KIF26B: variants seen among roughly 807,000 people sequenced by gnomAD.
KIF26B encodes the protein kinesin family member 26B, also known as kinesin-like protein KIF26B.
KIF26B carries 63 observed loss-of-function variants against 151.2 expected under a neutral mutation model. That is an observed-to-expected ratio of 0.42 (90% CI 0.34 to 0.51). The LOEUF (loss-of-function observed/expected upper bound fraction) is 0.51, where lower values mean the gene tolerates loss of function less well. Ranked by LOEUF, KIF26B falls within the 20% of genes least tolerant of loss-of-function variation. The probability of loss-of-function intolerance (pLI) is 0.07; values close to 1 mark genes in which losing one functional copy is unlikely to be tolerated. For missense variants in KIF26B, 2,813 were observed against 2,913.6 expected (o/e 0.97, Z 0.79); for synonymous variants, 1,357 against 1,262.1 (o/e 1.08, Z -1.59).
chr1:245,676,598 T>G (rs2044359616), intron 10 of KIF26B: 1 of 152,242 alleles, frequency 6.6e-6, no homozygotes, highest in African/African-American at 2.4e-5. Context: ...TTTATCTTAT[T>G]CAGATAAATA....
Position 245,688,063 on chromosome 1 carries a change from C to T in KIF26B, c.5080C>T (p.Arg1694Trp), listed in dbSNP as rs1356574864. 3 of 1,552,590 alleles carry T rather than the reference C, an allele frequency of 1.9e-6. No individual in the cohort carries two copies. Among genetic ancestry groups the T allele is most frequent in the Non-Finnish European group, 8.7e-7 (1 of 1,148,742 alleles). ...CGAGAGCCTGTCCTCCGTGAGCTCC[C>T]GGCTGCACGCGGGCAAGGACGGCAC... ...RAESLSSVSS[R>W]LHAGKDGTMP... The change falls in exon 12 of 15, where the codon CGG becomes TGG. Residue 1694 changes from arginine (R) to tryptophan (W), a missense_variant. Physicochemically the swap from Arg to Trp is moderately radical, Grantham distance 101. Around this residue, in one of 3 missense-constraint regions of KIF26B, gnomAD observed 2,060 missense variants for 2,088.6 expected, o/e 0.99. Coordinates refer to ENST00000407071, the MANE Select transcript of KIF26B (RefSeq NM_018012.4).
At chr1:245,539,006 G>GA (rs908119582) in intron 4 of KIF26B, among the ~76,000 whole-genome samples, 9 of 150,736 alleles carry the variant, frequency 6.0e-5, no homozygotes, top group East Asian at 1.9e-4. Context: ...GCAATGAGAT[G>GA]AAAAAAAAAG....
At chr1:245,159,405 A>G (rs1227090268) in intron 2 of KIF26B, among the ~76,000 whole-genome samples, 2 of 152,122 alleles carry the variant, frequency 1.3e-5, no homozygotes, top group Non-Finnish European at 2.9e-5. Context: ...CATTGGGTAA[A>G]TTAGTTTTCC....
chr1:245,574,688 A>G (rs1414597675), intron 5 of KIF26B, among the ~76,000 whole-genome samples: 2 of 152,078 alleles, frequency 1.3e-5, no homozygotes, highest in African/African-American at 4.8e-5. Context: ...AAGGCCAGGC[A>G]AGGCACTGCC....
intron 10 of KIF26B, among the ~76,000 whole-genome samples, chr1:245,679,875 G>A (rs1278576751): frequency 2.0e-5 from 3 of 152,040 alleles, no homozygotes; most frequent in East Asian, 1.9e-4. Context: ...TCAGGCCCCC[G>A]TCAGCTCTGC....
intron 2 of KIF26B, among the ~76,000 whole-genome samples, chr1:245,174,418 A>G (rs1011983843): frequency 9.2e-5 from 14 of 152,284 alleles, no homozygotes; most frequent in African/African-American, 3.4e-4. Context: ...CTCTAACAGT[A>G]ATACAAGAAA....
chr1:245,393,706 G>T (rs1230522638), intron 3 of KIF26B, among the ~76,000 whole-genome samples: 1 of 152,212 alleles, frequency 6.6e-6, no homozygotes, highest in African/African-American at 2.4e-5. Flanking sequence ...TTTCCAGCTT[G>T]CTGAGTGTAA....
rs1291952782 is a variant in KIF26B, at chr1:245,572,860, C to T, written c.1351-29717C>T. 2.0e-5 allele frequency among the ~76,000 whole-genome samples: 3 copies of T among 152,174 alleles called. No homozygotes were observed. Among genetic ancestry groups the T allele is most frequent in the East Asian group, 3.9e-4 (2 of 5,168 alleles). Reference sequence around the variant, plus strand: ...GTGTCTTTGCGGGGAAATGGTCAGGCGTCCTCTGTTGGCAAGGGCACCTGT... The same window carrying T: ...GTGTCTTTGCGGGGAAATGGTCAGGTGTCCTCTGTTGGCAAGGGCACCTGT... On this transcript the variant is annotated intron_variant, in intron 5 of 14. Coordinates refer to ENST00000407071, the MANE Select transcript of KIF26B (RefSeq NM_018012.4). This position sits in a 1 kb window ranked among gnomAD's most constrained non-coding sequence, Gnocchi z 4.2.
At chr1:245,428,905 A>C (rs116181887) in intron 4 of KIF26B, among the ~76,000 whole-genome samples, 2,646 of 146,340 alleles carry the variant, frequency 0.018, 69 homozygotes, top group African/African-American at 0.062. Flanking sequence ...GATTCTTGTA[A>C]GATACTCTCA....
intron 4 of KIF26B, among the ~76,000 whole-genome samples, chr1:245,502,420 G>A (rs1185978757): frequency 1.3e-5 from 2 of 151,822 alleles, no homozygotes; most frequent in Non-Finnish European, 2.9e-5. Flanking sequence ...CCAGCTACTC[G>A]GGAGGCTGAG....
Position 245,607,613 on chromosome 1 carries a change from G to C in KIF26B, c.1558-38G>C, listed in dbSNP as rs190135147. On this transcript the variant is annotated intron_variant, in intron 6 of 14. Transcript: ENST00000407071. ...TTGTTAGTGGTGTCTCCGCTGCGAG[G>C]TCCATTCACGGCTCGTGTCTCCTCT... 993 of 1,545,118 alleles carry C rather than the reference G, an allele frequency of 6.4e-4. 6 individuals are homozygous for C. The African/African-American group carries it at 0.012, about 19-fold the overall frequency.
chr1:245,233,087 G>T (rs924854734), intron 2 of KIF26B, among the ~76,000 whole-genome samples: 1 of 152,180 alleles, frequency 6.6e-6, no homozygotes, highest in African/African-American at 2.4e-5. Context: ...AAACTAACGG[G>T]ATTACAGACG....
intron 6 of KIF26B, among the ~76,000 whole-genome samples, chr1:245,603,384 A>G (rs2103146735): frequency 6.6e-6 from 1 of 152,304 alleles, no homozygotes; most frequent in East Asian, 1.9e-4. Flanking sequence ...CCTAAAATTC[A>G]GTGCTTAATA....
At chr1:245,437,175 C>T (rs1213267593) in intron 4 of KIF26B, among the ~76,000 whole-genome samples, 1 of 152,204 alleles carries the variant, frequency 6.6e-6, no homozygotes, top group South Asian at 2.1e-4. Flanking sequence ...GCATGAGCCA[C>T]CGCACCTGGC....
rs1343174582 is a variant in KIF26B, at chr1:245,602,156, C to T, written c.1351-421C>T. On this transcript the variant is annotated intron_variant, in intron 5 of 14. Transcript: ENST00000407071. The surrounding 1 kb of genome is among the most constrained non-coding windows in gnomAD (Gnocchi z 4.5). ...TCTCCCAGAGTCCTGATGAGCTGAG[C>T]CAAGGAGTAAATTACGGAGCTAACT... 6.6e-6 allele frequency among the ~76,000 whole-genome samples: 1 copy of T among 152,094 alleles called. No individual in the cohort carries two copies.
chr1:245,646,785 C>A (rs1038530011), intron 10 of KIF26B, among the ~76,000 whole-genome samples: 1 of 152,224 alleles, frequency 6.6e-6, no homozygotes, highest in Non-Finnish European at 1.5e-5. Flanking sequence ...TTTTATCTGG[C>A]AACCCAATCT....
chr1:245,374,111 A>C, intron 3 of KIF26B, among the ~76,000 whole-genome samples: 1 of 61,012 alleles, frequency 1.6e-5, no homozygotes, highest in African/African-American at 8.4e-5. Flanking sequence ...ATATATATAT[A>C]TATATATATA....
intron 9 of KIF26B, among the ~76,000 whole-genome samples, chr1:245,629,567 T>C (rs971858729): frequency 1.3e-5 from 2 of 152,132 alleles, no homozygotes; most frequent in African/African-American, 4.8e-5. Flanking sequence ...CTGGACCCCT[T>C]CCTTACACCT....
intron 5 of KIF26B, among the ~76,000 whole-genome samples, chr1:245,585,297 C>T (rs2043212864): frequency 6.6e-6 from 1 of 152,158 alleles, no homozygotes; most frequent in African/African-American, 2.4e-5. Flanking sequence ...TCCCTGCAAC[C>T]CACAGTTGTT....
Sources: allele counts gnomAD v4.1 joint callset (sites outside exome capture counted in the v4.1 genomes callset), GRCh38; gene constraint gnomAD v4.1.1; regional missense constraint gnomAD v4.1.1; non-coding constraint Gnocchi (gnomAD v3.1); transcripts MANE v1.5; gene names NCBI Gene and HGNC (gene_info 2026-07-23, HGNC 2026-07-21).